The following LRMDA variants were observed in gnomAD, a reference collection of about 807,000 sequenced individuals.
LRMDA encodes leucine rich melanocyte differentiation associated, also known as leucine-rich melanocyte differentiation-associated protein.
LRMDA carries 18 observed loss-of-function variants against 29.8 expected under a neutral mutation model. That is an observed-to-expected ratio of 0.60 (90% CI 0.42 to 0.90). The LOEUF is 0.90. LRMDA is among the 40% of genes least tolerant of loss of function. LRMDA has a pLI of 0.00. For synonymous variants in LRMDA, 125 were observed against 109.4 expected, an observed-to-expected ratio of 1.14 and a Z score of -0.89; for missense variants, 273 against 273.9, an observed-to-expected ratio of 1.00 and a Z score of 0.02.
At chr10:76,417,948 A>ATTGTCT (rs1170337069) in intron 6 of LRMDA, among the ~76,000 whole-genome samples, 2 of 152,150 alleles carry the variant, frequency 1.3e-5, no homozygotes, top group Non-Finnish European at 2.9e-5. Flanking sequence ...TCATAAATCA[A>ATTGTCT]TTGTCTTCAT....
chr10:75,621,053 G>C (rs891601819), intron 2 of LRMDA, among the ~76,000 whole-genome samples: 4 of 152,092 alleles, frequency 2.6e-5, no homozygotes, highest in Non-Finnish European at 4.4e-5. Flanking sequence ...TGTCCTCGTA[G>C]CTTAGCTCCC....
rs540387623 is a variant in LRMDA at position 75,440,992 on chromosome 10, G to A, written c.131+2498G>A. Among the ~76,000 whole-genome samples the A allele has an allele frequency of 6.6e-5, 10 of 152,194 alleles. No homozygotes were observed. In the South Asian group the frequency reaches 1.2e-3, roughly 19 times the overall value. On this transcript the variant is annotated intron_variant, in intron 2 of 6. Transcript: ENST00000611255. ...GTAGAGGTTGCAGTGAGCTGAGATC[G>A]TGCCATTGTACTCCAGCCTGGGCAA...
intron 2 of LRMDA, among the ~76,000 whole-genome samples, chr10:75,473,885 AACATCAC>A (rs1844757114): frequency 6.6e-6 from 1 of 152,184 alleles, no homozygotes; most frequent in Non-Finnish European, 1.5e-5. Context: ...CCCTGGCATC[AACATCAC>A]CCAAGGGTTT....
intron 2 of LRMDA, among the ~76,000 whole-genome samples, chr10:75,832,131 C>T (rs1844356214): frequency 6.6e-6 from 1 of 152,152 alleles, no homozygotes; most frequent in South Asian, 2.1e-4. Context: ...ATTGGATTTT[C>T]TTTTTTACTG....
chr10:76,065,942 G>A (rs1848777750), intron 5 of LRMDA, among the ~76,000 whole-genome samples: 1 of 152,178 alleles, frequency 6.6e-6, no homozygotes, highest in African/African-American at 2.4e-5. Flanking sequence ...CAACATGAGA[G>A]ACACCATGAC....
chr10:75,574,350 G>T (rs1589190068), intron 2 of LRMDA, among the ~76,000 whole-genome samples: 1 of 152,284 alleles, frequency 6.6e-6, no homozygotes, highest in African/African-American at 2.4e-5. Context: ...CTTTAAGAGT[G>T]TTGTGATATA....
At chr10:76,487,465 A>C (rs990586126) in intron 6 of LRMDA, among the ~76,000 whole-genome samples, 2 of 151,948 alleles carry the variant, frequency 1.3e-5, no homozygotes, top group Admixed American at 1.3e-4. Flanking sequence ...AAGATGACTC[A>C]GAGGAAGTAT....
Position 75,494,868 on chromosome 10 carries a change from G to A in LRMDA, c.131+56374G>A, listed in dbSNP as rs192399914. The stretch of plus-strand genomic sequence containing the variant: ...GCCTAGGGCTGATAGGCTCCTTCCA[G>A]CTTTCTACTCTGCTGTCTCTAGGGT... On this transcript the variant is annotated intron_variant, in intron 2 of 6. Transcript: ENST00000611255. 7.9e-5 allele frequency among the ~76,000 whole-genome samples: 12 copies of A among 152,276 alleles called. No homozygotes were observed. The East Asian group carries it at 2.3e-3, about 29-fold the overall frequency.
intron 2 of LRMDA, among the ~76,000 whole-genome samples, chr10:75,972,974 A>C (rs975758623): frequency 1.3e-5 from 2 of 151,988 alleles, no homozygotes; most frequent in African/African-American, 4.8e-5. Context: ...TGGGGAAATT[A>C]AGACTATATT....
At chr10:76,375,125 T>TA (rs202003382) in intron 6 of LRMDA, among the ~76,000 whole-genome samples, 8 of 151,818 alleles carry the variant, frequency 5.3e-5, no homozygotes, top group African/African-American at 9.7e-5. Context: ...GCAAGGATGC[T>TA]AAAAAAAATG....
At chr10:75,841,018 T>A (rs866635322) in intron 2 of LRMDA, among the ~76,000 whole-genome samples, 23 of 152,332 alleles carry the variant, frequency 1.5e-4, no homozygotes, top group African/African-American at 4.8e-4. Flanking sequence ...ATTGCCAACA[T>A]TGCCAGGGCT....
chr10:76,550,432 G>A (rs917246494), intron 6 of LRMDA, among the ~76,000 whole-genome samples: 5 of 152,148 alleles, frequency 3.3e-5, no homozygotes, highest in African/African-American at 1.2e-4. Context: ...GGTTTGAAGT[G>A]GTCACTGCGG....
chr10:75,864,384 C>G (rs1844985534), intron 2 of LRMDA, among the ~76,000 whole-genome samples: 2 of 152,136 alleles, frequency 1.3e-5, no homozygotes, highest in Non-Finnish European at 2.9e-5. Flanking sequence ...CTCCTGTTCC[C>G]CTGAGTGTGA....
At chr10:75,758,432 A>G (rs966289627) in intron 2 of LRMDA, among the ~76,000 whole-genome samples, 1 of 152,200 alleles carries the variant, frequency 6.6e-6, no homozygotes, top group South Asian at 2.1e-4. Context: ...ACTCAGTGTC[A>G]TCTTATCCCT....
chr10:75,859,393 C>T (rs530231209), intron 2 of LRMDA, among the ~76,000 whole-genome samples: 2 of 152,236 alleles, frequency 1.3e-5, no homozygotes, highest in Non-Finnish European at 2.9e-5. Flanking sequence ...AGCATGCTTT[C>T]AAAATGTTTG....
intron 2 of LRMDA, among the ~76,000 whole-genome samples, chr10:75,948,045 A>T (rs1224837933): frequency 6.6e-6 from 1 of 152,238 alleles, no homozygotes; most frequent in Non-Finnish European, 1.5e-5. Flanking sequence ...TGAATAAAAC[A>T]AGCTTCTTTG....
intron 2 of LRMDA, among the ~76,000 whole-genome samples, chr10:75,596,626 C>CCCTAGCTG (rs1840792776): frequency 6.6e-6 from 1 of 152,166 alleles, no homozygotes; most frequent in South Asian, 2.1e-4. Flanking sequence ...GTCTAGTGAT[C>CCCTAGCTG]ATCAGCTCAG....
Position 75,713,932 on chromosome 10 carries a change from A to T in LRMDA, c.131+275438A>T, listed in dbSNP as rs903300424. On this transcript the variant is annotated intron_variant, in intron 2 of 6. Transcript: ENST00000611255. ...TTGTTTTGCTCTGTGTCACAACAACATTTTATTTTTCTTAAAGTTTGCTGG... is the reference window on the plus strand; with the variant it reads ...TTGTTTTGCTCTGTGTCACAACAACTTTTTATTTTTCTTAAAGTTTGCTGG... 3.9e-5 allele frequency among the ~76,000 whole-genome samples: 6 copies of T among 152,052 alleles called. 1 individual carries two copies. Among genetic ancestry groups the T allele is most frequent in the African/African-American group, 1.4e-4 (6 of 41,394 alleles).
At chr10:75,676,791 T>C (rs1005415984) in intron 2 of LRMDA, among the ~76,000 whole-genome samples, 7 of 152,138 alleles carry the variant, frequency 4.6e-5, no homozygotes, top group Non-Finnish European at 7.4e-5. Flanking sequence ...AATGGCTTCA[T>C]AAGCAGATAC....
Sources: allele counts gnomAD v4.1 joint callset (sites outside exome capture counted in the v4.1 genomes callset), GRCh38; gene constraint gnomAD v4.1.1; transcripts MANE v1.5; gene names NCBI Gene and HGNC (gene_info 2026-07-23, HGNC 2026-07-21).